Variants in SLC2A14 observed in about 807,000 individuals in gnomAD.
SLC2A14 encodes solute carrier family 2, facilitated glucose transporter member 14.
In SLC2A14, 13 loss-of-function variants were observed where a neutral mutation model predicts 43.0. The ratio of observed to expected loss-of-function variants is 0.30; its 90% CI spans 0.20 to 0.48. SLC2A14 has a LOEUF of 0.48. Among genes scored for constraint, SLC2A14 ranks in the 20% least tolerant of loss-of-function variants. The probability of loss-of-function intolerance (pLI) is 0.99; values close to 1 mark genes in which losing one functional copy is unlikely to be tolerated. For missense variants in SLC2A14, 428 were observed against 620.4 expected (o/e 0.69, Z 3.29); for synonymous variants, 190 against 233.8 (o/e 0.81, Z 1.71).
chr12:7,877,487 G>GA (rs139514354), upstream of SLC2A14, among the ~76,000 whole-genome samples: 558 of 151,930 alleles, frequency 3.7e-3, 2 homozygotes, highest in Admixed American at 7.8e-3. Context: ...ATGCAATGGT[G>GA]AGATCTTGGC....
intron 1 of SLC2A14, among the ~76,000 whole-genome samples, chr12:7,886,058 C>A (rs1158715285): frequency 1.3e-5 from 2 of 149,860 alleles, no homozygotes; most frequent in Non-Finnish European, 3.0e-5. Context: ...GATCTCAGCT[C>A]ACTGCAACAC....
chr12:7,871,946 G>A (rs1055602830), intron 1 of SLC2A14: 2 of 981,022 alleles, frequency 2.0e-6, no homozygotes, highest in Non-Finnish European at 1.2e-6. Flanking sequence ...CTCCAATAGA[G>A]GGCTGAGCAT....
intron 2 of SLC2A14, among the ~76,000 whole-genome samples, chr12:7,841,996 ACT>A (rs550485208): frequency 1.4e-3 from 208 of 149,380 alleles, no homozygotes; most frequent in Non-Finnish European, 2.5e-3. Context: ...CAAGAGCGAA[ACT>A]CTGTCTCAAA....
At chr12:7,821,069 A>G in intron 8 of SLC2A14, 152 bp downstream of exon 8, 1 of 500,084 alleles carries the variant, frequency 2.0e-6, no homozygotes, top group East Asian at 3.9e-5. Context: ...CCTGGGCAAC[A>G]GAGCAAGACT....
intron 1 of SLC2A14, among the ~76,000 whole-genome samples, chr12:7,884,067 G>A (rs1360116296): frequency 1.3e-5 from 2 of 150,950 alleles, no homozygotes; most frequent in Non-Finnish European, 3.0e-5. Flanking sequence ...GGGACTACAG[G>A]CGCCTGCCAC....
intron 6 of SLC2A14, 114 bp from the exon 7 acceptor site, chr12:7,827,796 T>C: frequency 4.0e-6 from 6 of 1,513,792 alleles, no homozygotes; most frequent in Non-Finnish European, 5.3e-6. Context: ...GTAGCATCCA[T>C]TCCTGAACCT....
At chr12:7,846,392 C>T (rs1409463032) in intron 2 of SLC2A14, among the ~76,000 whole-genome samples, 2 of 150,534 alleles carry the variant, frequency 1.3e-5, no homozygotes, top group Non-Finnish European at 3.0e-5. Context: ...TGAAACAAAT[C>T]TCATTATTGG....
intron 2 of SLC2A14, among the ~76,000 whole-genome samples, chr12:7,842,892 C>G (rs1300613141): frequency 6.6e-6 from 1 of 152,044 alleles, no homozygotes; most frequent in Non-Finnish European, 1.5e-5. Flanking sequence ...CCACACCCAG[C>G]TAATTTTATA....
At chr12:7,873,036 G>A (rs1317675635), upstream of SLC2A14, 29 of 985,622 alleles carry the variant, frequency 2.9e-5, no homozygotes, top group East Asian at 4.5e-4. Context: ...CAGAGCAGGG[G>A]TCCGGCTCGC....
chr12:7,860,362 G>C (rs1056009588), intron 2 of SLC2A14: 1 of 152,178 alleles, frequency 6.6e-6, no homozygotes, highest in African/African-American at 2.4e-5. Flanking sequence ...AAGTAGTAGG[G>C]GGCTCTTGGA....
At chr12:7,862,749 G>A (rs1422277586) in intron 2 of SLC2A14, among the ~76,000 whole-genome samples, 2 of 152,142 alleles carry the variant, frequency 1.3e-5, no homozygotes, top group Non-Finnish European at 2.9e-5. Context: ...AAATACACCA[G>A]TCAGCACCCT....
At chr12:7,829,504 G>A (rs1414507537) in intron 5 of SLC2A14, among the ~76,000 whole-genome samples, 1 of 150,708 alleles carries the variant, frequency 6.6e-6, no homozygotes, top group Non-Finnish European at 1.5e-5. Flanking sequence ...AGGTTGGGCC[G>A]AGATCATTCC....
At chr12:7,889,534 G>GA in intron 1 of SLC2A14, among the ~76,000 whole-genome samples, 1 of 136,548 alleles carries the variant, frequency 7.3e-6, no homozygotes, top group Non-Finnish European at 1.7e-5. Context: ...TGCCTGACCT[G>GA]GTTCCCCCTT....
At chr12:7,889,169 A>C (rs955144186) in intron 1 of SLC2A14, among the ~76,000 whole-genome samples, 4 of 152,002 alleles carry the variant, frequency 2.6e-5, no homozygotes, top group Non-Finnish European at 5.9e-5. Flanking sequence ...CTTTATTAAG[A>C]AAGTAAAGGA....
chr12:7,857,546 C>T (rs1355589810), intron 2 of SLC2A14, among the ~76,000 whole-genome samples: 1 of 152,104 alleles, frequency 6.6e-6, no homozygotes, highest in East Asian at 1.9e-4. Flanking sequence ...CAAGATCGCG[C>T]CATTGCACTC....
chr12:7,890,494 T>C (rs957888279), intron 1 of SLC2A14, among the ~76,000 whole-genome samples: 3 of 148,420 alleles, frequency 2.0e-5, no homozygotes, highest in African/African-American at 7.6e-5. Context: ...TCAGTACTTA[T>C]CACACAACAT....
intron 2 of SLC2A14, among the ~76,000 whole-genome samples, chr12:7,852,768 T>C (rs886265449): frequency 1.3e-5 from 2 of 152,132 alleles, no homozygotes; most frequent in African/African-American, 4.8e-5. Context: ...ACCATGCACC[T>C]TGATTTCAGC....
chr12:7,837,622 G>C (rs1016476192), intron 2 of SLC2A14, among the ~76,000 whole-genome samples: 2 of 69,218 alleles, frequency 2.9e-5, no homozygotes, highest in Non-Finnish European at 4.8e-5. Context: ...TGGGCAACAA[G>C]AGTGAAACTT....
intron 2 of SLC2A14, among the ~76,000 whole-genome samples, chr12:7,851,898 G>A (rs995833074): frequency 5.3e-5 from 8 of 152,192 alleles, no homozygotes; most frequent in East Asian, 1.9e-4. Flanking sequence ...ATGTCCCCAC[G>A]TGGAGGACGT....
Sources: gnomAD v4.1 joint callset for allele counts (sites outside exome capture counted in the v4.1 genomes callset) on GRCh38, gnomAD v4.1.1 for gene constraint, MANE v1.5 for transcripts, NCBI Gene and HGNC (gene_info 2026-07-23, HGNC 2026-07-21) for gene names.